FMO1: variants seen among roughly 807,000 people sequenced by gnomAD.
FMO1 encodes flavin containing dimethylaniline monoxygenase 1.
FMO1 carries 36 observed loss-of-function variants against 45.4 expected under a neutral mutation model. That is an observed-to-expected ratio of 0.79 (90% CI 0.61 to 1.05). FMO1 has a LOEUF of 1.05. Among genes scored for constraint, FMO1 ranks in the 50% least tolerant of loss-of-function variants. The probability of loss-of-function intolerance (pLI) is 0.00; values close to 1 mark genes in which losing one functional copy is unlikely to be tolerated. For missense variants in FMO1, 615 were observed against 640.3 expected, an observed-to-expected ratio of 0.96 and a Z score of 0.43; for synonymous variants, 228 against 227.2, an observed-to-expected ratio of 1.00 and a Z score of -0.03.
At position 171,270,078 on chromosome 1, in the gene FMO1, T is replaced by C. The variant is rs1213122034; in HGVS notation, c.321+2347T>C. Among the ~76,000 whole-genome samples the C allele has an allele frequency of 3.3e-5, 5 of 152,330 alleles. No individual in the cohort carries two copies. The East Asian group carries it at 9.7e-4, about 29-fold the overall frequency. On this transcript the variant is annotated intron_variant, in intron 3 of 8. Transcript: ENST00000617670. ...GGATACATTCTCAGGTCTTCTTTAA[T>C]GTGGGAACTGCAAAATATAACTGCC...
At chr1:171,282,539 TA>T (rs1398641362) in intron 7 of FMO1, 4 of 438,060 alleles carry the variant, frequency 9.1e-6, no homozygotes, top group African/African-American at 5.6e-5. Flanking sequence ...CAAAAATATA[TA>T]TATTTTTTTG....
rs556743814 is a variant in FMO1 at position 171,270,180 on chromosome 1, G to A, written c.321+2449G>A. Among the ~76,000 whole-genome samples the A allele has an allele frequency of 2.6e-5, 4 of 152,226 alleles. No individual in the cohort carries two copies. The South Asian group carries it at 8.3e-4, about 32-fold the overall frequency. On this transcript the variant is annotated intron_variant, in intron 3 of 8. Coordinates refer to ENST00000617670, the MANE Select transcript of FMO1 (RefSeq NM_001282693.2). ...CATACTTTTCTATTAGTCCTTCAAG[G>A]ACTAATTTCAAAATGTTGGATTCTA...
intron 2 of FMO1, among the ~76,000 whole-genome samples, chr1:171,260,796 GGCATGCACCT>G (rs1180605584): frequency 6.6e-6 from 1 of 151,044 alleles, no homozygotes; most frequent in African/African-American, 2.4e-5. Flanking sequence ...CAGGCATGGT[GGCATGCACCT>G]GTAATCCCAG....
intron 4 of FMO1, 124 bp downstream of exon 4, chr1:171,275,632 G>C: frequency 1.5e-6 from 1 of 657,936 alleles, no homozygotes; most frequent in Non-Finnish European, 2.4e-6. Flanking sequence ...GTAGGAGGAG[G>C]CTTTTTTTGT....
At position 171,267,567 on chromosome 1, in the gene FMO1, AG is replaced by A; in HGVS notation, c.158del (p.Ser53IlefsTer49). The stretch of plus-strand genomic sequence containing the variant: ...GGAACATGTTGAAGAAGGCAGAGCC[AG>A]TCTCTACAAGTCTGTGGTTTCCAAC... ...FTEHVEEGRA[S>X]LYKSVVSNSC... On this transcript the variant is annotated frameshift_variant, in exon 3 of 9. Coordinates refer to ENST00000617670, the MANE Select transcript of FMO1 (RefSeq NM_001282693.2). LOFTEE classifies it high-confidence loss of function. 1 of 1,609,740 alleles carries A rather than the reference AG, an allele frequency of 6.2e-7. No individual in the cohort carries two copies. The highest frequency in any genetic ancestry group is 8.5e-7 in the Non-Finnish European group (1 of 1,178,108).
Position 171,285,118 on chromosome 1 carries a change from T to A in FMO1, c.1257-84T>A, listed in dbSNP as rs557177135. 71 of 850,740 alleles carry A rather than the reference T, an allele frequency of 8.3e-5. No individual in the cohort carries two copies. In the East Asian group the frequency reaches 1.8e-3, roughly 21 times the overall value. 52.7% of individuals were successfully genotyped at this position (850,740 alleles called of 1,614,324 possible). ...ACCATCCCAAATTCTGCAGCAGTAT[T>A]TGTTTGCTTTGGGCACTTGTACTTG... On this transcript the variant is annotated intron_variant, in intron 8 of 8. Coordinates refer to ENST00000617670, the MANE Select transcript of FMO1 (RefSeq NM_001282693.2).
rs1175843214 is a variant in FMO1, at chr1:171,285,433, C to G, written c.1488C>G (p.Phe496Leu). 25 of 1,605,902 alleles carry G rather than the reference C, an allele frequency of 1.6e-5. No individual in the cohort carries two copies. The highest frequency in any genetic ancestry group is 2.1e-5 in the Non-Finnish European group (25 of 1,176,710). ...NAIMTQWDRT[F>L]KVIKARVVQE... Reference sequence around the variant, plus strand: ...TCATGACCCAGTGGGACCGAACATTCAAGGTCATCAAAGCTCGAGTTGTAC... The same window carrying G: ...TCATGACCCAGTGGGACCGAACATTGAAGGTCATCAAAGCTCGAGTTGTAC... The change falls in exon 9 of 9, where the codon TTC becomes TTG. Residue 496 changes from phenylalanine to leucine, a missense_variant. By Grantham distance (22) the Phe-to-Leu change is conservative (BLOSUM62 0). Coordinates refer to ENST00000617670, the MANE Select transcript of FMO1 (RefSeq NM_001282693.2).
intron 7 of FMO1, 198 bp from the exon 8 acceptor site, chr1:171,282,946 C>T (rs1661425467): frequency 1.5e-5 from 7 of 453,660 alleles, no homozygotes; most frequent in Admixed American, 4.3e-5. Context: ...TGACCAGATG[C>T]TTATCTTTTC....
At chr1:171,262,156 C>G (rs1660403696) in intron 2 of FMO1, among the ~76,000 whole-genome samples, 2 of 152,208 alleles carry the variant, frequency 1.3e-5, no homozygotes, top group African/African-American at 4.8e-5. Flanking sequence ...GAAGGTCAGC[C>G]AGGCACAGTG....
intron 2 of FMO1, among the ~76,000 whole-genome samples, chr1:171,260,765 T>C (rs1396915498): frequency 6.6e-6 from 1 of 151,596 alleles, no homozygotes; most frequent in African/African-American, 2.4e-5. Flanking sequence ...ATCCCATCTC[T>C]ACTAAAATAC....
chr1:171,255,205 A>G (rs145940173), intron 1 of FMO1, among the ~76,000 whole-genome samples: 4 of 152,302 alleles, frequency 2.6e-5, no homozygotes, highest in East Asian at 1.9e-4. Context: ...AATAAAGCCA[A>G]TTTTAGAGCT....
intron 4 of FMO1, among the ~76,000 whole-genome samples, chr1:171,277,513 T>G (rs1661158682): frequency 6.6e-6 from 1 of 152,204 alleles, no homozygotes. Context: ...GTTCTTACTC[T>G]GTCTTTCTGT....
intron 1 of FMO1, among the ~76,000 whole-genome samples, chr1:171,256,355 T>C (rs924093177): frequency 2.0e-5 from 3 of 152,072 alleles, no homozygotes; most frequent in African/African-American, 7.2e-5. Context: ...GGTAAGTCAT[T>C]TTCCTATATC....
chr1:171,278,627 C>A, intron 4 of FMO1, 102 bp from the exon 5 acceptor site: 2 of 913,740 alleles, frequency 2.2e-6, no homozygotes, highest in Non-Finnish European at 3.2e-6. Flanking sequence ...GTAAAAATGA[C>A]CAAAATCATC....
At chr1:171,277,922 G>T (rs552585720) in intron 4 of FMO1, among the ~76,000 whole-genome samples, 2 of 152,262 alleles carry the variant, frequency 1.3e-5, no homozygotes, top group East Asian at 3.9e-4. Flanking sequence ...TAGGAAAAAA[G>T]AAGTTCTTTG....
intron 1 of FMO1, among the ~76,000 whole-genome samples, chr1:171,249,627 T>A (rs999916067): frequency 3.3e-5 from 5 of 152,148 alleles, no homozygotes; most frequent in African/African-American, 9.7e-5. Flanking sequence ...GGATAGGGTA[T>A]CATTGTGCAG....
At chr1:171,250,432 T>A (rs1659833291) in intron 1 of FMO1, among the ~76,000 whole-genome samples, 1 of 152,230 alleles carries the variant, frequency 6.6e-6, no homozygotes, top group Non-Finnish European at 1.5e-5. Flanking sequence ...TTCTTCAAAA[T>A]TTTAAAATAG....
chr1:171,273,721 C>T (rs192539139), intron 3 of FMO1, among the ~76,000 whole-genome samples: 22 of 152,186 alleles, frequency 1.4e-4, no homozygotes, highest in African/African-American at 2.2e-4. Context: ...CTCACTATGC[C>T]GCCCAGGGTG....
At chr1:171,284,466 A>G (rs1199317670) in intron 8 of FMO1, among the ~76,000 whole-genome samples, 1 of 152,150 alleles carries the variant, frequency 6.6e-6, no homozygotes, top group Admixed American at 6.6e-5. Context: ...GGCCAGGTGC[A>G]GTGGATCATG....
Sources: gnomAD v4.1 joint callset for allele counts (sites outside exome capture counted in the v4.1 genomes callset) on GRCh38, gnomAD v4.1.1 for gene constraint, MANE v1.5 for transcripts, NCBI Gene and HGNC (gene_info 2026-07-23, HGNC 2026-07-21) for gene names.